The following RABGAP1L variants were observed in gnomAD, a reference collection of about 807,000 sequenced individuals.
RABGAP1L encodes rab GTPase-activating protein 1-like.
In RABGAP1L, 63 loss-of-function variants were observed where a neutral mutation model predicts 137.7. The observed-to-expected ratio is 0.46, with a 90% confidence interval of 0.37 to 0.56. The LOEUF is 0.56. Ranked by LOEUF, RABGAP1L falls within the 20% of genes least tolerant of loss-of-function variation. The probability of loss-of-function intolerance (pLI) is 0.00; values close to 1 mark genes in which losing one functional copy is unlikely to be tolerated. For missense variants in RABGAP1L, 1,095 were observed against 1,244.0 expected, an observed-to-expected ratio of 0.88 and a Z score of 1.80; for synonymous variants, 431 against 433.7, an observed-to-expected ratio of 0.99 and a Z score of 0.08.
chr1:174,749,480 C>A (rs897013047), intron 17 of RABGAP1L, among the ~76,000 whole-genome samples: 8 of 151,930 alleles, frequency 5.3e-5, no homozygotes, highest in Admixed American at 4.6e-4. Flanking sequence ...CAGGTGTGTA[C>A]CACCACACCT....
In RABGAP1L at chr1:174,504,055, C is replaced by A. The variant is rs955854805; in HGVS notation, c.1710+109910C>A. On this transcript the variant is annotated intron_variant, in intron 13 of 25. Transcript: ENST00000681986. ...TGGTGTAATCTCGGCTCACCACAAA[C>A]GCCGCCTTCAGAGCTCAAGCCATCC... 2.6e-5 allele frequency among the ~76,000 whole-genome samples: 4 copies of A among 151,210 alleles called. No individual in the cohort carries two copies. In the South Asian group the frequency reaches 8.4e-4, roughly 32 times the overall value.
intron 11 of RABGAP1L, among the ~76,000 whole-genome samples, chr1:174,354,238 C>CTT (rs200144941): frequency 6.8e-6 from 1 of 147,546 alleles, no homozygotes; most frequent in African/African-American, 2.5e-5. Context: ...CACTTTGCTT[C>CTT]TTTTTTTTTT....
chr1:174,903,043 A>G (rs990808252), intron 19 of RABGAP1L, among the ~76,000 whole-genome samples: 1 of 152,222 alleles, frequency 6.6e-6, no homozygotes, highest in Non-Finnish European at 1.5e-5. Flanking sequence ...GCTGGGATTT[A>G]TATTTCAAAT....
chr1:174,833,449 G>GAGATATATATATATATAT (rs1553259972), intron 19 of RABGAP1L, among the ~76,000 whole-genome samples: 21 of 27,850 alleles, frequency 7.5e-4, no homozygotes, highest in Non-Finnish European at 2.0e-3. Flanking sequence ...TGTGTGTAGA[G>GAGATATATATATATATAT]ATATATATAT....
At chr1:174,177,331 G>GT (rs1432213078) in intron 1 of RABGAP1L, among the ~76,000 whole-genome samples, 2 of 151,948 alleles carry the variant, frequency 1.3e-5, no homozygotes, top group Admixed American at 6.6e-5. Flanking sequence ...GGGATTGTTT[G>GT]TTTTTTTCTT....
chr1:174,865,272 T>G (rs1450574828), intron 19 of RABGAP1L, among the ~76,000 whole-genome samples: 1 of 151,954 alleles, frequency 6.6e-6, no homozygotes, highest in Non-Finnish European at 1.5e-5. Flanking sequence ...ACCCAGGAGG[T>G]GGAGGTTGCA....
At chr1:174,740,158 C>G (rs1683270696) in intron 17 of RABGAP1L, among the ~76,000 whole-genome samples, 1 of 152,126 alleles carries the variant, frequency 6.6e-6, no homozygotes, top group Non-Finnish European at 1.5e-5. Flanking sequence ...TTAGTAACAT[C>G]CTTCTTACAT....
intron 13 of RABGAP1L, among the ~76,000 whole-genome samples, chr1:174,511,281 C>T (rs907943269): frequency 1.1e-4 from 17 of 152,144 alleles, no homozygotes; most frequent in African/African-American, 4.1e-4. Context: ...CTTTACCAAC[C>T]AAACACTTAT....
At chr1:174,701,278 C>CCTG in intron 16 of RABGAP1L, 2 of 1,143,306 alleles carry the variant, frequency 1.7e-6, no homozygotes, top group Non-Finnish European at 2.2e-6. Context: ...TATATTATAC[C>CCTG]TTTGCATAAT....
At chr1:174,601,339 G>C (rs1476928765) in intron 13 of RABGAP1L, among the ~76,000 whole-genome samples, 2 of 152,162 alleles carry the variant, frequency 1.3e-5, no homozygotes, top group African/African-American at 4.8e-5. Flanking sequence ...TTAACATTAG[G>C]CTCCTTGCTA....
chr1:174,530,736 A>G (rs1664317780), intron 13 of RABGAP1L, among the ~76,000 whole-genome samples: 1 of 152,098 alleles, frequency 6.6e-6, no homozygotes, highest in African/African-American at 2.4e-5. Flanking sequence ...TTCACTCACT[A>G]TTTTGGTTCT....
chr1:174,908,770 C>G (rs1472120422), intron 19 of RABGAP1L, among the ~76,000 whole-genome samples: 2 of 150,376 alleles, frequency 1.3e-5, no homozygotes, highest in East Asian at 2.0e-4. Flanking sequence ...CTCAAACTCC[C>G]GAACCTCAGG....
rs566316606 is a variant in RABGAP1L at position 174,546,954 on chromosome 1, C to T, written c.1711-90421C>T. Reference sequence around the variant, plus strand: ...CTGAGGCAGGAGAATGGCGTGAACCCGGGAGGCGGAGCTTGCAGTGAGCAG... The same window carrying T: ...CTGAGGCAGGAGAATGGCGTGAACCTGGGAGGCGGAGCTTGCAGTGAGCAG... On this transcript the variant is annotated intron_variant, in intron 13 of 25. Transcript: ENST00000681986. 2.0e-3 allele frequency among the ~76,000 whole-genome samples: 266 copies of T among 130,490 alleles called. 3 individuals are homozygous for T. The highest frequency in any genetic ancestry group is 5.4e-3 in the African/African-American group (180 of 33,638). 85.6% of individuals were successfully genotyped at this position (130,490 alleles called of 152,430 possible). A position where few individuals can be genotyped will look rare whatever the true frequency, so the allele number is the denominator to read the frequency against.
At chr1:174,925,506 C>G (rs961015577) in intron 19 of RABGAP1L, among the ~76,000 whole-genome samples, 1 of 151,614 alleles carries the variant, frequency 6.6e-6, no homozygotes, top group Non-Finnish European at 1.5e-5. Flanking sequence ...GGAGACCAGA[C>G]GTAGAATAGC....
chr1:174,252,379 T>G, intron 6 of RABGAP1L, 101 bp from the exon 7 acceptor site: 1 of 1,394,388 alleles, frequency 7.2e-7, no homozygotes, highest in Non-Finnish European at 9.7e-7. Context: ...AATAAGGGTG[T>G]TGTTGCTTAA....
At chr1:174,292,905 T>C (rs1676763996) in intron 10 of RABGAP1L, among the ~76,000 whole-genome samples, 1 of 152,220 alleles carries the variant, frequency 6.6e-6, no homozygotes, top group Non-Finnish European at 1.5e-5. Flanking sequence ...CTAAGCACTT[T>C]ACATGGATTA....
At chr1:174,500,981 C>T (rs1661207969) in intron 13 of RABGAP1L, among the ~76,000 whole-genome samples, 1 of 152,050 alleles carries the variant, frequency 6.6e-6, no homozygotes, top group African/African-American at 2.4e-5. Context: ...AATTCATTGC[C>T]TTAATTGAGT....
chr1:174,550,999 C>CCTATATAT (rs1553330295), intron 13 of RABGAP1L, among the ~76,000 whole-genome samples: 1 of 86,372 alleles, frequency 1.2e-5, no homozygotes, highest in African/African-American at 8.3e-5. Flanking sequence ...TATATATACA[C>CCTATATAT]ATATATATAT....
At chr1:174,280,048 GGAGAGAGAGAGAGAGA>G (rs59262212) in intron 10 of RABGAP1L, among the ~76,000 whole-genome samples, 12 of 125,306 alleles carry the variant, frequency 9.6e-5, no homozygotes, top group Admixed American at 2.5e-4. Context: ...CTGTCTGCCT[GGAGAGAGAGAGAGAGA>G]GAGAGAGAGA....
Sources: gnomAD v4.1 joint callset for allele counts (sites outside exome capture counted in the v4.1 genomes callset) on GRCh38, gnomAD v4.1.1 for gene constraint, MANE v1.5 for transcripts, NCBI Gene and HGNC (gene_info 2026-07-23, HGNC 2026-07-21) for gene names.